Variants in GRIK2 observed in about 807,000 individuals in gnomAD.
The protein encoded by GRIK2 is glutamate receptor ionotropic, kainate 2.
In GRIK2, 32 loss-of-function variants were observed where a neutral mutation model predicts 100.3. The observed-to-expected ratio is 0.32, with a 90% CI of 0.24 to 0.43. The LOEUF (loss-of-function observed/expected upper bound fraction) is 0.43, where lower values mean the gene tolerates loss of function less well. Ranked by LOEUF, GRIK2 falls within the 20% of genes least tolerant of loss-of-function variation. GRIK2 has a pLI of 1.00. For missense variants in GRIK2, 843 were observed against 1,114.9 expected, an observed-to-expected ratio of 0.76 and a Z score of 3.47; for synonymous variants, 417 against 389.4, an observed-to-expected ratio of 1.07 and a Z score of -0.83.
chr6:102,057,078 A>G (rs1771500360), intron 16 of GRIK2, among the ~76,000 whole-genome samples: 1 of 152,018 alleles, frequency 6.6e-6, no homozygotes, highest in Non-Finnish European at 1.5e-5. Context: ...AGCTAACCAA[A>G]GAAGAAATAT....
intron 7 of GRIK2, among the ~76,000 whole-genome samples, chr6:101,796,361 A>G (rs1780302773): frequency 6.6e-6 from 1 of 152,230 alleles, no homozygotes. Flanking sequence ...GAATAAGAGA[A>G]GGCACATTTT....
chr6:102,002,084 T>C (rs1255540757), intron 14 of GRIK2, among the ~76,000 whole-genome samples: 22 of 151,364 alleles, frequency 1.5e-4, no homozygotes, highest in Admixed American at 1.4e-3. Flanking sequence ...GTCTAAGCCA[T>C]TTAAAAGTTT....
intron 14 of GRIK2, among the ~76,000 whole-genome samples, chr6:101,960,904 G>A (rs1266843003): frequency 1.3e-5 from 2 of 152,168 alleles, no homozygotes; most frequent in African/African-American, 2.4e-5. Context: ...CACATGTAGT[G>A]GGCTGGTCTG....
chr6:101,870,846 G>T (rs1373460232), intron 11 of GRIK2, among the ~76,000 whole-genome samples: 1 of 151,748 alleles, frequency 6.6e-6, no homozygotes, highest in Non-Finnish European at 1.5e-5. Flanking sequence ...CTCATAAAAA[G>T]TCATTTTCAA....
intron 4 of GRIK2, among the ~76,000 whole-genome samples, chr6:101,645,616 C>G (rs1781489811): frequency 6.6e-6 from 1 of 151,890 alleles, no homozygotes; most frequent in African/African-American, 2.4e-5. Flanking sequence ...TAATAATTCT[C>G]CATCTCCCTT....
chr6:101,998,889 C>T (rs1270747115), intron 14 of GRIK2, among the ~76,000 whole-genome samples: 6 of 141,936 alleles, frequency 4.2e-5, no homozygotes, highest in Non-Finnish European at 7.6e-5. Context: ...TCTTGGCTCA[C>T]TGCAACCTCC....
rs556078034 is a variant in GRIK2, at chr6:101,548,688, A to G, written c.116-73261A>G. Among the ~76,000 whole-genome samples, 8 of 152,180 alleles carry G rather than the reference A, an allele frequency of 5.3e-5. No homozygotes were observed. The East Asian group carries it at 1.5e-3, about 29-fold the overall frequency. On this transcript the variant is annotated intron_variant, in intron 2 of 16. Coordinates refer to ENST00000369134, the MANE Select transcript of GRIK2 (RefSeq NM_021956.5). ...TTCTTTTATCATCATTGTCATCATC[A>G]TCACTGTATCATGATCATGATCATC...
intron 14 of GRIK2, among the ~76,000 whole-genome samples, chr6:102,001,285 C>A (rs976559889): frequency 1.3e-5 from 2 of 151,356 alleles, no homozygotes; most frequent in African/African-American, 4.9e-5. Flanking sequence ...GTTTGCTGAA[C>A]CTATCAACCT....
chr6:101,652,328 T>C (rs904707460), intron 4 of GRIK2, among the ~76,000 whole-genome samples: 3 of 152,144 alleles, frequency 2.0e-5, no homozygotes, highest in Admixed American at 6.6e-5. Context: ...CTCACTCTCC[T>C]TCTATCTGTG....
intron 14 of GRIK2, among the ~76,000 whole-genome samples, chr6:101,966,665 A>G (rs1252614225): frequency 6.6e-6 from 1 of 152,076 alleles, no homozygotes; most frequent in African/African-American, 2.4e-5. Flanking sequence ...AGGAAGAGGG[A>G]CGAATATTTG....
At chr6:101,453,586 C>A (rs930470404) in intron 2 of GRIK2, among the ~76,000 whole-genome samples, 2 of 151,888 alleles carry the variant, frequency 1.3e-5, no homozygotes, top group Non-Finnish European at 2.9e-5. Flanking sequence ...ATAGCGCTAA[C>A]CTAGTTTAAT....
intron 14 of GRIK2, among the ~76,000 whole-genome samples, chr6:101,996,881 C>T (rs149327366): frequency 1.1e-3 from 162 of 152,152 alleles, no homozygotes; most frequent in Admixed American, 1.7e-3. Flanking sequence ...TAGAATTTCT[C>T]GATTTTTCAG....
At chr6:101,988,231 A>C (rs1388674450) in intron 14 of GRIK2, among the ~76,000 whole-genome samples, 2 of 151,592 alleles carry the variant, frequency 1.3e-5, no homozygotes, top group Non-Finnish European at 2.9e-5. Context: ...TGACTACTAA[A>C]AATTAATCAT....
intron 15 of GRIK2, among the ~76,000 whole-genome samples, chr6:102,041,300 A>AGAT (rs772845506): frequency 2.6e-5 from 4 of 151,684 alleles, no homozygotes; most frequent in Non-Finnish European, 5.9e-5. Context: ...TTATACACAA[A>AGAT]GATTGGATCA....
chr6:101,853,537 T>G (rs1784256982), intron 10 of GRIK2, among the ~76,000 whole-genome samples: 1 of 152,170 alleles, frequency 6.6e-6, no homozygotes, highest in African/African-American at 2.4e-5. Context: ...GCAGTTTCTT[T>G]CAAAACTAAG....
chr6:102,058,338 C>A (rs1198381346), intron 16 of GRIK2, among the ~76,000 whole-genome samples: 1 of 151,708 alleles, frequency 6.6e-6, no homozygotes, highest in Non-Finnish European at 1.5e-5. Flanking sequence ...ATCTATCTAC[C>A]TATCTATCTA....
At chr6:101,970,493 C>A (rs1033592074) in intron 14 of GRIK2, among the ~76,000 whole-genome samples, 1 of 151,820 alleles carries the variant, frequency 6.6e-6, no homozygotes, top group African/African-American at 2.4e-5. Flanking sequence ...GTATTTATAC[C>A]CACTTTTTAT....
chr6:101,647,569 T>C (rs1277553243), intron 4 of GRIK2, among the ~76,000 whole-genome samples: 3 of 151,970 alleles, frequency 2.0e-5, no homozygotes, highest in Non-Finnish European at 4.4e-5. Context: ...GTAAATGGTA[T>C]ATAGTGTCTC....
intron 10 of GRIK2, among the ~76,000 whole-genome samples, chr6:101,852,161 A>C (rs1201396026): frequency 2.0e-5 from 3 of 152,110 alleles, no homozygotes; most frequent in African/African-American, 7.2e-5. Context: ...CAAATTGTCG[A>C]TCTTTGTTCC....
Sources: allele counts gnomAD v4.1 joint callset (sites outside exome capture counted in the v4.1 genomes callset), GRCh38; gene constraint gnomAD v4.1.1; transcripts MANE v1.5; gene names NCBI Gene and HGNC (gene_info 2026-07-23, HGNC 2026-07-21).